KCNIP4: variants seen among roughly 807,000 people sequenced by gnomAD.
KCNIP4 encodes the protein Kv channel-interacting protein 4.
A neutral mutation model predicts 34.0 loss-of-function variants in KCNIP4; 12 were observed. The ratio of observed to expected loss-of-function variants is 0.35; its 90% CI spans 0.23 to 0.57. KCNIP4 has a LOEUF of 0.57. KCNIP4 is among the 20% of genes least tolerant of loss of function. The pLI, the probability that KCNIP4 is intolerant of heterozygous loss-of-function variation, is 0.83. For missense variants in KCNIP4, 238 were observed against 311.7 expected (o/e 0.76, Z 1.78); for synonymous variants, 124 against 102.2 (o/e 1.21, Z -1.29).
At chr4:20,811,923 G>A (rs1578677548) in intron 3 of KCNIP4, among the ~76,000 whole-genome samples, 1 of 152,234 alleles carries the variant, frequency 6.6e-6, no homozygotes, top group East Asian at 1.9e-4. Context: ...ATTTTGCAGA[G>A]CTTTAAGAAG....
At chr4:21,893,509 T>C (rs1436498447) in intron 1 of KCNIP4, among the ~76,000 whole-genome samples, 1 of 151,954 alleles carries the variant, frequency 6.6e-6, no homozygotes, top group Admixed American at 6.6e-5. Context: ...TGGTTTGGAG[T>C]TTTTCTTTGA....
chr4:20,838,316 C>T (rs1719314803), intron 3 of KCNIP4, among the ~76,000 whole-genome samples: 1 of 152,150 alleles, frequency 6.6e-6, no homozygotes, highest in Admixed American at 6.5e-5. Context: ...ACACTGCTCC[C>T]AGACTAAAAC....
chr4:21,008,626 C>G (rs888684650), intron 1 of KCNIP4, among the ~76,000 whole-genome samples: 9 of 151,968 alleles, frequency 5.9e-5, no homozygotes, highest in Admixed American at 1.3e-4. Flanking sequence ...CGGGTTCACG[C>G]CATTCTCCTG....
intron 1 of KCNIP4, among the ~76,000 whole-genome samples, chr4:21,063,880 A>T (rs2108978699): frequency 6.6e-6 from 1 of 152,234 alleles, no homozygotes; most frequent in East Asian, 1.9e-4. Context: ...TATATTAATA[A>T]TATGAAATAT....
intron 1 of KCNIP4, among the ~76,000 whole-genome samples, chr4:21,756,972 C>G (rs576238416): frequency 6.6e-6 from 1 of 151,654 alleles, no homozygotes; most frequent in Admixed American, 6.6e-5. Context: ...TAGCAGGCAC[C>G]TGTAATCACA....
At chr4:21,075,938 C>A (rs959136030) in intron 1 of KCNIP4, among the ~76,000 whole-genome samples, 1 of 152,026 alleles carries the variant, frequency 6.6e-6, no homozygotes, top group South Asian at 2.1e-4. Flanking sequence ...GTTGAAAATT[C>A]TTTCTTTAAG....
intron 1 of KCNIP4, among the ~76,000 whole-genome samples, chr4:21,690,263 T>C (rs780397147): frequency 6.6e-6 from 1 of 151,786 alleles, no homozygotes; most frequent in Non-Finnish European, 1.5e-5. Context: ...AGCCCACAAA[T>C]GTATCCCAAT....
chr4:21,361,748 A>C (rs1328297854), intron 1 of KCNIP4, among the ~76,000 whole-genome samples: 1 of 152,052 alleles, frequency 6.6e-6, no homozygotes, highest in Non-Finnish European at 1.5e-5. Context: ...AGAAAAAAGA[A>C]TGACAAACCG....
chr4:21,116,876 T>C (rs921183656), intron 1 of KCNIP4, among the ~76,000 whole-genome samples: 1 of 152,196 alleles, frequency 6.6e-6, no homozygotes, highest in African/African-American at 2.4e-5. Flanking sequence ...TATAATTCTA[T>C]CCAGCATTAT....
At chr4:21,039,676 C>T (rs375189487) in intron 1 of KCNIP4, among the ~76,000 whole-genome samples, 1 of 152,170 alleles carries the variant, frequency 6.6e-6, no homozygotes, top group Admixed American at 6.5e-5. Flanking sequence ...ATTGCTCTTA[C>T]TTGTTTATGT....
At chr4:20,865,909 G>A (rs1281788174) in intron 2 of KCNIP4, among the ~76,000 whole-genome samples, 1 of 151,986 alleles carries the variant, frequency 6.6e-6, no homozygotes, top group African/African-American at 2.4e-5. Flanking sequence ...ACTACAGTAA[G>A]TGTTTCACCA....
chr4:20,756,348 C>G (rs1754443121), intron 4 of KCNIP4, among the ~76,000 whole-genome samples: 1 of 152,164 alleles, frequency 6.6e-6, no homozygotes, highest in South Asian at 2.1e-4. Flanking sequence ...ATGGACTCCA[C>G]TATCCCATCG....
intron 1 of KCNIP4, among the ~76,000 whole-genome samples, chr4:21,509,112 T>G (rs1734096546): frequency 6.6e-6 from 1 of 152,150 alleles, no homozygotes; most frequent in South Asian, 2.1e-4. Context: ...TTAATATTAT[T>G]GTTATATCAT....
chr4:21,889,057 C>A (rs1215806026), intron 1 of KCNIP4, among the ~76,000 whole-genome samples: 3 of 152,024 alleles, frequency 2.0e-5, no homozygotes, highest in African/African-American at 7.2e-5. Context: ...ATTTTTATTG[C>A]TAAGTATTTA....
chr4:21,326,397 AT>A (rs1715053011), intron 1 of KCNIP4, among the ~76,000 whole-genome samples: 1 of 150,836 alleles, frequency 6.6e-6, no homozygotes, highest in South Asian at 2.1e-4. Flanking sequence ...CTTGAAATCT[AT>A]TTTGTCTAAC....
rs1330695996 is a variant in KCNIP4, at chr4:21,860,841, T to A, written c.61+87730A>T. On this transcript the variant is annotated intron_variant, in intron 1 of 8. Transcript: ENST00000382152. ...GTGCTAGTGTCACAGTCTACAAATA[T>A]TCATTCTTTTATTTTGCTAAATCTT... 2.6e-5 allele frequency among the ~76,000 whole-genome samples: 4 copies of A among 152,228 alleles called. No individual in the cohort carries two copies. In the East Asian group the frequency reaches 7.7e-4, roughly 29 times the overall value.
At chr4:21,651,350 A>G (rs1178881630) in intron 1 of KCNIP4, among the ~76,000 whole-genome samples, 1 of 152,194 alleles carries the variant, frequency 6.6e-6, no homozygotes, top group Non-Finnish European at 1.5e-5. Flanking sequence ...GAGAGGGCAT[A>G]ACAGGAAATA....
intron 1 of KCNIP4, among the ~76,000 whole-genome samples, chr4:20,983,432 C>G (rs551719020): frequency 6.6e-6 from 1 of 152,306 alleles, no homozygotes; most frequent in African/African-American, 2.4e-5. Context: ...CTTCACAAAT[C>G]AAGATACTCT....
At chr4:20,925,060 G>A (rs532878573) in intron 1 of KCNIP4, among the ~76,000 whole-genome samples, 1 of 152,096 alleles carries the variant, frequency 6.6e-6, no homozygotes, top group African/African-American at 2.4e-5. Flanking sequence ...ATGTGAAAAT[G>A]GTCTGAATCA....
Sources: allele counts gnomAD v4.1 joint callset (sites outside exome capture counted in the v4.1 genomes callset), GRCh38; gene constraint gnomAD v4.1.1; transcripts MANE v1.5; gene names NCBI Gene and HGNC (gene_info 2026-07-23, HGNC 2026-07-21).